SEMA4D: variants seen among roughly 807,000 people sequenced by gnomAD.
SEMA4D encodes semaphorin 4D.
Under a neutral mutation model 74.8 loss-of-function variants are expected in SEMA4D, and 22 were observed. The ratio of observed to expected loss-of-function variants is 0.29; its 90% CI spans 0.21 to 0.42. SEMA4D has a LOEUF of 0.42. Ranked by LOEUF, SEMA4D falls within the 10% of genes least tolerant of loss-of-function variation. The probability of loss-of-function intolerance (pLI) is 1.00; values close to 1 mark genes in which losing one functional copy is unlikely to be tolerated. For synonymous variants in SEMA4D, 445 were observed against 463.7 expected (o/e 0.96, Z 0.52); for missense variants, 937 against 1,118.4 (o/e 0.84, Z 2.31).
chr9:89,366,812 C>T (rs1197999752), intron 16 of SEMA4D, among the ~76,000 whole-genome samples: 1 of 152,130 alleles, frequency 6.6e-6, no homozygotes. Context: ...TATAAAAGCC[C>T]GGTCTCCTCC....
At chr9:89,369,949 T>C (rs1834285454) in intron 16 of SEMA4D, among the ~76,000 whole-genome samples, 1 of 151,762 alleles carries the variant, frequency 6.6e-6, no homozygotes, top group African/African-American at 2.4e-5. Flanking sequence ...ATGTGGTGTG[T>C]ATGTGCTTTG....
In SEMA4D at chr9:89,477,256, A is replaced by G. The variant is rs537305049; in HGVS notation, c.-310+20663T>C. On this transcript the variant is annotated intron_variant, in intron 1 of 15. Coordinates refer to ENST00000422704, the MANE Select transcript of SEMA4D (RefSeq NM_001371194.2). ...ATATATGCACAAGGTACATGCACGT[A>G]CACACACACACACACAAATGCTCAC... is the stretch of plus-strand genomic sequence containing the variant. Among the ~76,000 whole-genome samples, 678 of 109,890 alleles carry G rather than the reference A, an allele frequency of 6.2e-3. 5 individuals are homozygous for G. Among genetic ancestry groups the G allele is most frequent in the African/African-American group, 0.028 (641 of 23,168 alleles). The allele number at this position is 109,890 out of a possible 152,430, so 72.1% of individuals were successfully genotyped here.
At chr9:89,438,145 CA>C (rs1334403611) in intron 2 of SEMA4D, among the ~76,000 whole-genome samples, 1 of 152,220 alleles carries the variant, frequency 6.6e-6, no homozygotes, top group Non-Finnish European at 1.5e-5. Flanking sequence ...AGGGAAGCAA[CA>C]AAGGTGCACT....
chr9:89,405,313 C>T, intron 3 of SEMA4D, 38 bp downstream of exon 3: 1 of 1,571,340 alleles, frequency 6.4e-7, no homozygotes, highest in Non-Finnish European at 8.8e-7. Flanking sequence ...AGGTCCCCAT[C>T]CCAGGCCATC....
At chr9:89,389,972 C>G (rs1344551222) in intron 9 of SEMA4D, among the ~76,000 whole-genome samples, 1 of 152,086 alleles carries the variant, frequency 6.6e-6, no homozygotes, top group East Asian at 1.9e-4. Context: ...TCAAACCACC[C>G]TAGTCCAGGA....
intron 2 of SEMA4D, among the ~76,000 whole-genome samples, chr9:89,438,964 C>CTTTTTTTT (rs57394947): frequency 2.6e-5 from 1 of 38,214 alleles, no homozygotes; most frequent in African/African-American, 1.2e-4. Flanking sequence ...CGCACCGGGC[C>CTTTTTTTT]TTTTTTTTTT....
chr9:89,480,665 TAAGTCC>T (rs1189803461), intron 1 of SEMA4D, among the ~76,000 whole-genome samples: 1 of 152,230 alleles, frequency 6.6e-6, no homozygotes, highest in Admixed American at 6.5e-5. Flanking sequence ...GCCCGGGTGC[TAAGTCC>T]CCCATTGCCC....
At chr9:89,414,864 C>T (rs552153208) in intron 2 of SEMA4D, among the ~76,000 whole-genome samples, 23 of 144,660 alleles carry the variant, frequency 1.6e-4, no homozygotes, top group African/African-American at 5.2e-4. Context: ...AAGCGAGCCA[C>T]AGCCAGGATA....
At chr9:89,475,215 G>A (rs983664715) in intron 1 of SEMA4D, among the ~76,000 whole-genome samples, 2 of 152,338 alleles carry the variant, frequency 1.3e-5, no homozygotes, top group Admixed American at 6.5e-5. Context: ...CACAGAGGCT[G>A]GGCAGGAAGC....
At chr9:89,383,560 G>A (rs564746751) in intron 13 of SEMA4D, among the ~76,000 whole-genome samples, 46 of 152,270 alleles carry the variant, frequency 3.0e-4, no homozygotes, top group African/African-American at 1.1e-3. Flanking sequence ...TGCAACCTGA[G>A]GTGCTGAGCC....
chr9:89,417,309 C>CA (rs1396436632), intron 2 of SEMA4D, among the ~76,000 whole-genome samples: 1 of 152,136 alleles, frequency 6.6e-6, no homozygotes, highest in African/African-American at 2.4e-5. Flanking sequence ...TATATCTAGC[C>CA]AATAAGCACA....
chr9:89,437,899 A>G (rs1850809040), intron 2 of SEMA4D, among the ~76,000 whole-genome samples: 1 of 152,238 alleles, frequency 6.6e-6, no homozygotes, highest in Admixed American at 6.5e-5. Flanking sequence ...CCTTAAATTG[A>G]GCAACTCAGT....
At chr9:89,478,091 T>C (rs1862214315) in intron 1 of SEMA4D, among the ~76,000 whole-genome samples, 1 of 152,172 alleles carries the variant, frequency 6.6e-6, no homozygotes, top group Non-Finnish European at 1.5e-5. Flanking sequence ...CTGGAGAAGG[T>C]GAAAGCCTGC....
chr9:89,371,903 ATG>A (rs1434289534), intron 16 of SEMA4D, among the ~76,000 whole-genome samples: 1 of 1,146 alleles, frequency 8.7e-4, no homozygotes, highest in Non-Finnish European at 1.2e-3. Context: ...GGGGTGTGGT[ATG>A]TGTGTGGTGT....
chr9:89,389,610 C>T lies in SEMA4D; in HGVS notation c.775-563G>A, dbSNP rs373262262. On this transcript the variant is annotated intron_variant, in intron 9 of 15. Coordinates refer to ENST00000422704, the MANE Select transcript of SEMA4D (RefSeq NM_001371194.2). ...GCTTTGAACCTAAGTTCTTTATAAA[C>T]GCTTTTCAGGGATCCGATGACCAAG... Among the ~76,000 whole-genome samples the T allele has an allele frequency of 1.4e-4, 21 of 152,360 alleles. 1 individual carries two copies. The South Asian group carries it at 3.1e-3, about 23-fold the overall frequency.
chr9:89,408,474 C>T (rs2133851828), intron 2 of SEMA4D, among the ~76,000 whole-genome samples: 1 of 152,364 alleles, frequency 6.6e-6, no homozygotes, highest in East Asian at 1.9e-4. Context: ...TAAAAACCAG[C>T]TACCCCTCCT....
At chr9:89,425,776 C>T (rs144413959) in intron 2 of SEMA4D, among the ~76,000 whole-genome samples, 154 of 152,324 alleles carry the variant, frequency 1.0e-3, no homozygotes, top group Non-Finnish European at 1.7e-3. Context: ...ATGCAACAAC[C>T]GTCTAGAGCC....
chr9:89,480,276 A>G (rs1824456360), intron 1 of SEMA4D, among the ~76,000 whole-genome samples: 1 of 152,132 alleles, frequency 6.6e-6, no homozygotes, highest in Non-Finnish European at 1.5e-5. Context: ...CAGGGTGCTG[A>G]TTGGTGTATT....
chr9:89,376,617 C>T, downstream of SEMA4D: 1 of 627,926 alleles, frequency 1.6e-6, no homozygotes, highest in South Asian at 2.6e-5. Context: ...ACTGGTTGAC[C>T]CCTGTACACT....
Sources: allele counts gnomAD v4.1 joint callset (sites outside exome capture counted in the v4.1 genomes callset), GRCh38; gene constraint gnomAD v4.1.1; transcripts MANE v1.5; gene names NCBI Gene and HGNC (gene_info 2026-07-23, HGNC 2026-07-21).